Variants in NR2E1 observed in about 807,000 individuals in gnomAD.
NR2E1 encodes nuclear receptor TLX.
In NR2E1, 5 loss-of-function variants were observed where a neutral mutation model predicts 43.6. The observed-to-expected ratio is 0.11, with a 90% confidence interval of 0.06 to 0.24. The LOEUF (loss-of-function observed/expected upper bound fraction) is 0.24, where lower values mean the gene tolerates loss of function less well. Ranked by LOEUF, NR2E1 falls within the 10% of genes least tolerant of loss-of-function variation. The pLI, the probability that NR2E1 is intolerant of heterozygous loss-of-function variation, is 1.00. For synonymous variants in NR2E1, 191 were observed against 195.5 expected, an observed-to-expected ratio of 0.98 and a Z score of 0.19; for missense variants, 287 against 496.7, an observed-to-expected ratio of 0.58 and a Z score of 4.01.
At chr6:108,167,257 C>G (rs887512249) in intron 1 of NR2E1, among the ~76,000 whole-genome samples, 4 of 152,172 alleles carry the variant, frequency 2.6e-5, no homozygotes, top group African/African-American at 9.7e-5. Context: ...ATCCTGCAAA[C>G]TGGGAAGCAG....
chr6:108,176,292 T>C (rs1562404267), intron 3 of NR2E1: 4 of 598,794 alleles, frequency 6.7e-6, no homozygotes, highest in Non-Finnish European at 3.0e-6. Flanking sequence ...GCCCCTCTTC[T>C]AAGCCTCAGC....
At chr6:108,177,544 A>G (rs190338980) in intron 4 of NR2E1, among the ~76,000 whole-genome samples, 3 of 152,318 alleles carry the variant, frequency 2.0e-5, no homozygotes, top group Non-Finnish European at 2.9e-5. Context: ...AATATTTAAT[A>G]TGGCTTTCTT....
rs1773704123 is a variant in NR2E1 at position 108,166,089 on chromosome 6, A to G, written c.-677A>G. 1 of 152,748 alleles carries G rather than the reference A, an allele frequency of 6.5e-6. No individual in the cohort carries two copies. Among genetic ancestry groups the G allele is most frequent in the Non-Finnish European group, 1.5e-5 (1 of 68,098 alleles). The allele number at this position is 152,748 out of a possible 1,614,324, so 9.5% of individuals were successfully genotyped here. On this transcript the variant is annotated 5_prime_UTR_variant, in exon 1 of 9. Coordinates refer to ENST00000368986, the MANE Select transcript of NR2E1 (RefSeq NM_003269.5). The surrounding 1 kb of genome is among the most constrained non-coding windows in gnomAD (Gnocchi z 7.2). ...ATTACAGGGGACCCAGCCCGCAGCG[A>G]CAGGCACAAAGTCACGGGGTAATGA...
chr6:108,172,970 A>G (rs1475784281), intron 2 of NR2E1, among the ~76,000 whole-genome samples: 1 of 152,224 alleles, frequency 6.6e-6, no homozygotes, highest in Non-Finnish European at 1.5e-5. Flanking sequence ...ATTTGAACCA[A>G]CTTCTACTTA....
At chr6:108,167,224 C>G (rs1366069235) in intron 1 of NR2E1, among the ~76,000 whole-genome samples, 1 of 152,078 alleles carries the variant, frequency 6.6e-6, no homozygotes, top group Non-Finnish European at 1.5e-5. Flanking sequence ...TGCTTTGCAC[C>G]CCGTTTCTAG....
intron 8 of NR2E1, among the ~76,000 whole-genome samples, chr6:108,185,398 G>GCA (rs1403434142): frequency 2.7e-5 from 3 of 110,028 alleles, no homozygotes; most frequent in East Asian, 2.2e-4. Context: ...ACACACACAC[G>GCA]CACACACACA....
intron 2 of NR2E1, among the ~76,000 whole-genome samples, chr6:108,171,845 CT>C (rs1213444299): frequency 7.9e-5 from 12 of 152,164 alleles, no homozygotes; most frequent in Non-Finnish European, 1.5e-4. Context: ...CCTCCCTACA[CT>C]TTTTTAAATT....
In NR2E1 at chr6:108,169,632, C is replaced by G. The variant is rs1232849082; in HGVS notation, c.26-1826C>G. Among the ~76,000 whole-genome samples the G allele has an allele frequency of 2.0e-5, 3 of 152,082 alleles. No individual in the cohort carries two copies. Among genetic ancestry groups the G allele is most frequent in the Non-Finnish European group, 4.4e-5 (3 of 68,008 alleles). On this transcript the variant is annotated intron_variant, in intron 1 of 8. Coordinates refer to ENST00000368986, the MANE Select transcript of NR2E1 (RefSeq NM_003269.5). The surrounding 1 kb of genome is among the most constrained non-coding windows in gnomAD (Gnocchi z 6.1). Reference sequence around the variant, plus strand: ...CGCTTCCAGAGTGAGTGCAGTGCAGCGGAGCTCCAGACCCGGTTCCTGAGC... The same window carrying G: ...CGCTTCCAGAGTGAGTGCAGTGCAGGGGAGCTCCAGACCCGGTTCCTGAGC...
At chr6:108,182,999 C>A (rs188409745) in intron 8 of NR2E1, among the ~76,000 whole-genome samples, 125 of 152,326 alleles carry the variant, frequency 8.2e-4, no homozygotes, top group African/African-American at 2.8e-3. Context: ...CTGTGCCCAG[C>A]CTAAAGAAGC....
At chr6:108,178,069 G>C (rs1773928616) in intron 4 of NR2E1, 26 bp from the exon 5 acceptor site, 1 of 1,613,834 alleles carries the variant, frequency 6.2e-7, no homozygotes, top group Non-Finnish European at 8.5e-7. Context: ...CTCACTTCCA[G>C]GTGTCTTTCT....
At position 108,167,924 on chromosome 6, in the gene NR2E1, A is replaced by AC. The variant is rs1008139872; in HGVS notation, c.25+1140dup. The stretch of plus-strand genomic sequence containing the variant: ...AGTGGGATGCAATTCCCGCCCTCCT[A>AC]CCCCCCTCCAAGAAGGAGGTTGTGT... On this transcript the variant is annotated intron_variant, in intron 1 of 8. Coordinates refer to ENST00000368986, the MANE Select transcript of NR2E1 (RefSeq NM_003269.5). The AC allele has an allele frequency of 6.2e-6, 8 of 1,286,932 alleles. No homozygotes were observed. In the African/African-American group the frequency reaches 1.0e-4, roughly 17 times the overall value. The allele number at this position is 1,286,932 out of a possible 1,614,324, so 79.7% of individuals were successfully genotyped here.
Position 108,166,887 on chromosome 6 carries a change from T to A in NR2E1, c.25+97T>A, listed in dbSNP as rs1246420208. On this transcript the variant is annotated intron_variant, in intron 1 of 8. Transcript: ENST00000368986. This position sits in a 1 kb window ranked among gnomAD's most constrained non-coding sequence, Gnocchi z 7.2. The stretch of plus-strand genomic sequence containing the variant: ...GGTCCTGCCTGGAGCGCTGCGAATC[T>A]GAGCCCCTGAGAGGGATTCCAGCGG... 1.7e-5 allele frequency: 22 copies of A among 1,271,210 alleles called. No homozygotes were observed. The highest frequency in any genetic ancestry group is 2.4e-5 in the Non-Finnish European group (22 of 902,908). The allele number at this position is 1,271,210 out of a possible 1,614,324, so 78.7% of individuals were successfully genotyped here.
rs1183470207 is a variant in NR2E1 at position 108,180,677 on chromosome 6, G to A, written c.740-130G>A. 3.3e-6 allele frequency: 3 copies of A among 904,864 alleles called. No homozygotes were observed. The South Asian group carries it at 4.3e-5, about 13-fold the overall frequency. The allele number at this position is 904,864 out of a possible 1,614,324, so 56.1% of individuals were successfully genotyped here. ...TATTAACTTTCATACAATATAGCCG[G>A]TTTACATGGAATCAGATATCTTAGA... On this transcript the variant is annotated intron_variant, in intron 6 of 8. Coordinates refer to ENST00000368986, the MANE Select transcript of NR2E1 (RefSeq NM_003269.5). The surrounding 1 kb of genome is among the most constrained non-coding windows in gnomAD (Gnocchi z 5.4).
chr6:108,178,059 C>T (rs770923034), intron 4 of NR2E1, 36 bp from the exon 5 acceptor site: 22 of 1,612,722 alleles, frequency 1.4e-5, no homozygotes, highest in Non-Finnish European at 1.9e-5. Context: ...CTGTGGTTTC[C>T]TCACTTCCAG....
In NR2E1 at chr6:108,181,592, C is replaced by T. The variant is rs769395822; in HGVS notation, c.936C>T (p.Ala312=). The T allele has an allele frequency of 2.5e-6, 4 of 1,614,204 alleles. No individual in the cohort carries two copies. The highest frequency in any genetic ancestry group is 1.7e-4 in the Middle Eastern group (1 of 6,060). The change falls in exon 8 of 9, where the codon GCC becomes GCT. Residue 312 remains alanine, a synonymous_variant. Transcript: ENST00000368986. ...AACTGAGAAGTTTCCGGAATGCTGC[C>T]GCCATTGCAGCCCTTCAAGATGAGG... ...GSELRSFRNA[A]AIAALQDEAQ... is the part of the protein sequence containing the mutation.
intron 3 of NR2E1, 68 bp downstream of exon 3, chr6:108,174,991 A>T: frequency 7.0e-7 from 1 of 1,420,018 alleles, no homozygotes; most frequent in Non-Finnish European, 9.9e-7. Flanking sequence ...CAGAAAATAC[A>T]TGGCACTCCT....
intron 7 of NR2E1, 132 bp from the exon 8 acceptor site, chr6:108,181,414 G>A (rs1469022350): frequency 1.4e-5 from 11 of 785,680 alleles, no homozygotes; most frequent in South Asian, 9.6e-5. Context: ...GGTTGGTCTC[G>A]AACTGCTGAC....
chr6:108,182,934 C>T (rs1774016818), intron 8 of NR2E1, among the ~76,000 whole-genome samples: 1 of 152,152 alleles, frequency 6.6e-6, no homozygotes, highest in African/African-American at 2.4e-5. Flanking sequence ...CTCCTGGCCT[C>T]AAGTGATCCT....
At chr6:108,185,184 G>A (rs947241256) in intron 8 of NR2E1, among the ~76,000 whole-genome samples, 1 of 152,032 alleles carries the variant, frequency 6.6e-6, no homozygotes, top group Non-Finnish European at 1.5e-5. Context: ...TCTAATTATC[G>A]AGGACGTAAG....
Sources: allele counts gnomAD v4.1 joint callset (sites outside exome capture counted in the v4.1 genomes callset), GRCh38; gene constraint gnomAD v4.1.1; non-coding constraint Gnocchi (gnomAD v3.1); transcripts MANE v1.5; gene names NCBI Gene and HGNC (gene_info 2026-07-23, HGNC 2026-07-21).